The following ANK3 variants were observed in gnomAD, a reference collection of about 807,000 sequenced individuals.
ANK3 encodes ankyrin 3.
Under a neutral mutation model 370.9 loss-of-function variants are expected in ANK3, and 57 were observed. The ratio of observed to expected loss-of-function variants is 0.15; its 90% CI spans 0.12 to 0.19. The LOEUF (loss-of-function observed/expected upper bound fraction) is 0.19. ANK3 is among the 10% of genes least tolerant of loss of function. ANK3 has a pLI of 1.00. For synonymous variants in ANK3, 1,929 were observed against 1,946.3 expected, an observed-to-expected ratio of 0.99 and a Z score of 0.23; for missense variants, 4,439 against 5,302.1, an observed-to-expected ratio of 0.84 and a Z score of 5.06.
chr10:60,139,465 A>G, intron 23 of ANK3: 1 of 179,688 alleles, frequency 5.6e-6, no homozygotes, highest in Non-Finnish European at 1.2e-5. Flanking sequence ...ATGGATTACA[A>G]AATAAGAACC....
At chr10:60,442,718 T>C (rs2064330971) in intron 2 of ANK3, among the ~76,000 whole-genome samples, 1 of 152,228 alleles carries the variant, frequency 6.6e-6, no homozygotes, top group Admixed American at 6.5e-5. Context: ...TATTCTTCAT[T>C]CAATCATTAC....
In ANK3 at chr10:60,056,140, G is replaced by T. The variant is rs960161957; in HGVS notation, c.12687-104C>A. On this transcript the variant is annotated intron_variant, in intron 41 of 43. Transcript: ENST00000280772. ...CTGTGTCTTTTGCCTACTTCTGAAG[G>T]CATAAAATAGAAAAGTGTGAAAAGT... The T allele has an allele frequency of 3.7e-6, 5 of 1,333,770 alleles. No individual in the cohort carries two copies. The African/African-American group carries it at 7.4e-5, about 20-fold the overall frequency. 82.6% of individuals were successfully genotyped at this position (1,333,770 alleles called of 1,614,324 possible).
intron 2 of ANK3, among the ~76,000 whole-genome samples, chr10:60,610,776 C>T (rs555691916): frequency 2.0e-5 from 3 of 152,266 alleles, no homozygotes; most frequent in East Asian, 3.9e-4. Context: ...CAAGAAAATA[C>T]TGTGATAACA....
intron 10 of ANK3, among the ~76,000 whole-genome samples, chr10:60,207,484 G>GA (rs2096782926): frequency 6.6e-6 from 1 of 152,146 alleles, no homozygotes; most frequent in African/African-American, 2.4e-5. Context: ...ATCTTGCTGA[G>GA]AAAACCAAAG....
chr10:60,527,440 C>T (rs1181615967), intron 2 of ANK3, among the ~76,000 whole-genome samples: 1 of 152,092 alleles, frequency 6.6e-6, no homozygotes, highest in Admixed American at 6.6e-5. Context: ...TTCAGAAATA[C>T]ACACCCACAT....
intron 1 of ANK3, among the ~76,000 whole-genome samples, chr10:60,360,627 T>C (rs2058456083): frequency 6.6e-6 from 1 of 152,024 alleles, no homozygotes; most frequent in Admixed American, 6.5e-5. Context: ...GAGGATTGCT[T>C]AAACCCAGGA....
intron 1 of ANK3, among the ~76,000 whole-genome samples, chr10:60,321,213 C>G (rs906646152): frequency 1.3e-5 from 2 of 151,894 alleles, no homozygotes; most frequent in African/African-American, 4.8e-5. Flanking sequence ...GCATGAGACC[C>G]TCTTCTCTAC....
chr10:60,252,748 C>G (rs1453142164), intron 7 of ANK3, among the ~76,000 whole-genome samples: 1 of 152,138 alleles, frequency 6.6e-6, no homozygotes, highest in Non-Finnish European at 1.5e-5. Context: ...ACAAATAGCA[C>G]CACAAACAAC....
At chr10:60,568,969 T>C (rs1048836574) in intron 2 of ANK3, among the ~76,000 whole-genome samples, 2 of 152,144 alleles carry the variant, frequency 1.3e-5, no homozygotes, top group African/African-American at 4.8e-5. Context: ...GGACTAACCA[T>C]GCTGACACCC....
chr10:60,647,592 T>C (rs922581604), intron 1 of ANK3, among the ~76,000 whole-genome samples: 2 of 147,966 alleles, frequency 1.4e-5, no homozygotes, highest in Non-Finnish European at 3.0e-5. Context: ...AAATTCATAG[T>C]GTCTAAAAAC....
At chr10:60,722,741 G>A (rs891123152) in intron 1 of ANK3, among the ~76,000 whole-genome samples, 10 of 152,164 alleles carry the variant, frequency 6.6e-5, no homozygotes, top group African/African-American at 2.4e-4. Context: ...TTGGTGATGA[G>A]TGAGATCTCA....
At chr10:60,208,271 C>A in intron 9 of ANK3, 38 bp from the exon 10 acceptor site, 1 of 1,580,836 alleles carries the variant, frequency 6.3e-7, no homozygotes, top group Non-Finnish European at 8.7e-7. Context: ...ATTCTTTTAC[C>A]TTTTAAACAC....
In ANK3 at chr10:60,069,121, C is replaced by A. The variant is rs374299193; in HGVS notation, c.11760G>T (p.Arg3920Ser). 1.0e-4 allele frequency: 168 copies of A among 1,613,956 alleles called. No homozygotes were observed. Among genetic ancestry groups the A allele is most frequent in the Non-Finnish European group, 1.4e-4 (161 of 1,180,010 alleles). The change falls in exon 37 of 44, where the codon AGG becomes AGT. Residue 3920 changes from arginine to serine, a missense_variant. Arg to Ser is a moderately radical substitution (Grantham distance 110). This residue lies in a region of ANK3 where 496 missense variants were observed against 529.3 expected (regional missense o/e 0.94). Transcript: ENST00000280772. ...KSRIPVKNTH[R>S]DNIIAVRKAC... is the part of the protein sequence containing the mutation. Reference sequence around the variant, plus strand: ...CTTTTCTAACTGCAATTATGTTATCCCTGTGTGTGTTTTTCACTGGAATTC... The same window carrying A: ...CTTTTCTAACTGCAATTATGTTATCACTGTGTGTGTTTTTCACTGGAATTC...
At chr10:60,597,927 G>A (rs527961829) in intron 2 of ANK3, among the ~76,000 whole-genome samples, 7 of 152,146 alleles carry the variant, frequency 4.6e-5, no homozygotes, top group South Asian at 4.1e-4. Flanking sequence ...AGTGGTTCAC[G>A]AAGCTTGGTT....
intron 2 of ANK3, among the ~76,000 whole-genome samples, chr10:60,408,739 G>A (rs989266163): frequency 4.6e-5 from 7 of 152,086 alleles, no homozygotes; most frequent in Non-Finnish European, 8.8e-5. Flanking sequence ...ATCCCTTCCC[G>A]AGTGCATACA....
rs541275907 is a variant in ANK3, at chr10:60,300,550, C to T, written c.115-20911G>A. On this transcript the variant is annotated intron_variant, in intron 1 of 43. Coordinates refer to ENST00000280772, the MANE Select transcript of ANK3 (RefSeq NM_020987.5). ...GGGGCAGACAAGAGTACAGAATCCG[C>T]CTGGGCCCTTATAAACAGCATAGTA... 470 of 1,200,244 alleles carry T rather than the reference C, an allele frequency of 3.9e-4. 1 individual carries two copies. In the African/African-American group the frequency reaches 5.3e-3, roughly 14 times the overall value. The allele number at this position is 1,200,244 out of a possible 1,614,324, so 74.3% of individuals were successfully genotyped here. A position where few individuals can be genotyped will look rare whatever the true frequency, so the allele number is the denominator to read the frequency against.
chr10:60,606,052 G>T (rs2133311161), intron 2 of ANK3, among the ~76,000 whole-genome samples: 1 of 152,168 alleles, frequency 6.6e-6, no homozygotes, highest in South Asian at 2.1e-4. Context: ...AAATAAAAAT[G>T]TAGCTTTATT....
At chr10:60,079,307 A>T (rs563948561) in intron 36 of ANK3, among the ~76,000 whole-genome samples, 1 of 152,056 alleles carries the variant, frequency 6.6e-6, no homozygotes, top group Admixed American at 6.6e-5. Flanking sequence ...CTGCTAGAGG[A>T]GAACAGAGAT....
At chr10:60,220,003 G>C (rs1182380047) in intron 8 of ANK3, among the ~76,000 whole-genome samples, 5 of 152,076 alleles carry the variant, frequency 3.3e-5, no homozygotes, top group Non-Finnish European at 5.9e-5. Flanking sequence ...ATAAACCAAA[G>C]TAAAGCAGCC....
Sources: allele counts gnomAD v4.1 joint callset (sites outside exome capture counted in the v4.1 genomes callset), GRCh38; gene constraint gnomAD v4.1.1; regional missense constraint gnomAD v4.1.1; transcripts MANE v1.5; gene names NCBI Gene and HGNC (gene_info 2026-07-23, HGNC 2026-07-21).